Variants in YPEL2 observed in about 807,000 individuals in gnomAD.
YPEL2 encodes protein yippee-like 2.
A neutral mutation model predicts 19.1 loss-of-function variants in YPEL2; 2 were observed. The ratio of observed to expected loss-of-function variants is 0.10; its 90% CI spans 0.04 to 0.33. The LOEUF is 0.33. Among genes scored for constraint, YPEL2 ranks in the 10% least tolerant of loss-of-function variants. YPEL2 has a pLI of 1.00. For synonymous variants in YPEL2, 52 were observed against 50.0 expected (o/e 1.04, Z -0.17); for missense variants, 66 against 140.7 (o/e 0.47, Z 2.68).
rs145366041 is a variant in YPEL2, at chr17:59,347,497, C to T, written c.-195-5718C>T. Among the ~76,000 whole-genome samples, 186 of 152,248 alleles carry T rather than the reference C, an allele frequency of 1.2e-3. 3 individuals carry two copies. The East Asian group carries it at 0.024, about 20-fold the overall frequency. Reference sequence around the variant, plus strand: ...TTTAAGAGTGATGACGTGGTCAGATCTCCTTTTTAAATAGACAACACTGGC... The same window carrying T: ...TTTAAGAGTGATGACGTGGTCAGATTTCCTTTTTAAATAGACAACACTGGC... On this transcript the variant is annotated intron_variant, in intron 1 of 4. Transcript: ENST00000312655.
chr17:59,356,761 G>T (rs2047814820), intron 2 of YPEL2, among the ~76,000 whole-genome samples: 1 of 152,226 alleles, frequency 6.6e-6, no homozygotes, highest in Admixed American at 6.5e-5. Context: ...ACCAGATTCA[G>T]TCTGGTGAGG....
Position 59,391,864 on chromosome 17 carries a change from C to T in YPEL2, c.270+2396C>T, listed in dbSNP as rs766612550. Among the ~76,000 whole-genome samples, 3 of 151,954 alleles carry T rather than the reference C, an allele frequency of 2.0e-5. No homozygotes were observed. In the East Asian group the frequency reaches 5.8e-4, roughly 29 times the overall value. On this transcript the variant is annotated intron_variant, in intron 4 of 4. Coordinates refer to ENST00000312655, the MANE Select transcript of YPEL2 (RefSeq NM_001005404.4). ...GCAGTGAGCCGAGATCATGCCATTGCACTCCAGCCTGGGCGACAGAGTGAG... is the reference window on the plus strand; with the variant it reads ...GCAGTGAGCCGAGATCATGCCATTGTACTCCAGCCTGGGCGACAGAGTGAG...
At chr17:59,395,260 C>T (rs2048033010) in intron 4 of YPEL2, among the ~76,000 whole-genome samples, 1 of 152,122 alleles carries the variant, frequency 6.6e-6, no homozygotes, top group Non-Finnish European at 1.5e-5. Flanking sequence ...GTGTCAGGGA[C>T]ATTGCTGCTC....
chr17:59,358,767 G>A (rs1213791125), intron 2 of YPEL2, among the ~76,000 whole-genome samples: 1 of 151,558 alleles, frequency 6.6e-6, no homozygotes, highest in African/African-American at 2.4e-5. Context: ...CCGCCTCCAC[G>A]CCCAGCTAAT....
At chr17:59,365,579 G>C (rs115196142) in intron 2 of YPEL2, among the ~76,000 whole-genome samples, 15 of 152,080 alleles carry the variant, frequency 9.9e-5, no homozygotes, top group Admixed American at 7.9e-4. Flanking sequence ...CACTTCGGGT[G>C]GGGGGGAATC....
intron 2 of YPEL2, chr17:59,365,959 G>A (rs2047866668): frequency 6.6e-6 from 1 of 152,310 alleles, no homozygotes; most frequent in African/African-American, 2.4e-5. Context: ...CTCCCCTTTA[G>A]CCCCTGACAC....
intron 1 of YPEL2, chr17:59,345,339 G>T (rs2047750715): frequency 6.6e-6 from 1 of 152,186 alleles, no homozygotes; most frequent in South Asian, 2.1e-4. Flanking sequence ...GAGTATCCAA[G>T]CTGGTTTTTA....
chr17:59,384,785 C>A (rs1178010834), intron 2 of YPEL2, among the ~76,000 whole-genome samples: 1 of 152,158 alleles, frequency 6.6e-6, no homozygotes, highest in Non-Finnish European at 1.5e-5. Flanking sequence ...TGCCTGTCTC[C>A]CTGTATTTCT....
chr17:59,389,259 T>TGG (rs2047996142), intron 3 of YPEL2, 101 bp from the exon 4 acceptor site: 1 of 1,085,412 alleles, frequency 9.2e-7, no homozygotes, highest in African/African-American at 1.6e-5. Context: ...TGGCTCCCCT[T>TGG]GGGACAGCCT....
intron 1 of YPEL2, among the ~76,000 whole-genome samples, chr17:59,339,205 C>A (rs1019742910): frequency 4.8e-5 from 7 of 145,734 alleles, no homozygotes; most frequent in African/African-American, 1.8e-4. Flanking sequence ...GCCAAATGAA[C>A]CATAAGAGAG....
At chr17:59,337,348 C>T (rs911226795) in intron 1 of YPEL2, among the ~76,000 whole-genome samples, 13 of 151,798 alleles carry the variant, frequency 8.6e-5, no homozygotes, top group Non-Finnish European at 1.5e-4. Flanking sequence ...CCATCACGCC[C>T]GGCTAATTTT....
intron 2 of YPEL2, among the ~76,000 whole-genome samples, chr17:59,380,481 G>A (rs2047943591): frequency 6.6e-6 from 1 of 152,070 alleles, no homozygotes; most frequent in Non-Finnish European, 1.5e-5. Flanking sequence ...TGTTGGCCAG[G>A]CTGGTCTCGA....
chr17:59,374,652 AC>A, intron 2 of YPEL2, among the ~76,000 whole-genome samples: 1 of 152,304 alleles, frequency 6.6e-6, no homozygotes, highest in South Asian at 2.1e-4. Flanking sequence ...TCTAGGGAAC[AC>A]CTTTTAGTAT....
chr17:59,356,210 G>A (rs2047811976), intron 2 of YPEL2: 1 of 151,646 alleles, frequency 6.6e-6, no homozygotes, highest in South Asian at 2.1e-4. Flanking sequence ...GAGCTGGGAA[G>A]CAGATAACTG....
At chr17:59,368,239 A>G (rs953127849) in intron 2 of YPEL2, among the ~76,000 whole-genome samples, 6 of 152,054 alleles carry the variant, frequency 3.9e-5, no homozygotes, top group African/African-American at 1.4e-4. Context: ...ATGCGCCACC[A>G]TGTCCGGCTA....
At chr17:59,390,718 G>A (rs904033463) in intron 4 of YPEL2, among the ~76,000 whole-genome samples, 7 of 152,178 alleles carry the variant, frequency 4.6e-5, no homozygotes, top group Admixed American at 2.0e-4. Context: ...CTGCTTGAAC[G>A]CTGGGGACTA....
chr17:59,374,685 A>T (rs2047912013), intron 2 of YPEL2, among the ~76,000 whole-genome samples: 1 of 152,238 alleles, frequency 6.6e-6, no homozygotes, highest in East Asian at 1.9e-4. Context: ...GGTGTAGAAA[A>T]CAATAGTGAA....
intron 1 of YPEL2, among the ~76,000 whole-genome samples, chr17:59,337,137 TAGCTAC>T (rs1230097500): frequency 2.0e-5 from 3 of 152,120 alleles, no homozygotes; most frequent in African/African-American, 7.2e-5. Context: ...TGTTGAAGAC[TAGCTAC>T]AGATTCAATG....
At position 59,397,701 on chromosome 17, in the gene YPEL2, A is replaced by G. The variant is rs1278359623; in HGVS notation, c.*511A>G. On this transcript the variant is annotated 3_prime_UTR_variant, in exon 5 of 5. Transcript: ENST00000312655. ...TTGACTTGTCTAAAAGGACAAAGAGAAAAAAAAAATACCTCATGACTGCAT... is the reference window on the plus strand; with the variant it reads ...TTGACTTGTCTAAAAGGACAAAGAGGAAAAAAAAATACCTCATGACTGCAT... 1.3e-5 allele frequency: 2 copies of G among 150,426 alleles called. No individual in the cohort carries two copies. The highest frequency in any genetic ancestry group is 3.0e-5 in the Non-Finnish European group (2 of 67,506). The allele number at this position is 150,426 out of a possible 1,614,324, so 9.3% of individuals were successfully genotyped here.
Sources: allele counts gnomAD v4.1 joint callset (sites outside exome capture counted in the v4.1 genomes callset), GRCh38; gene constraint gnomAD v4.1.1; transcripts MANE v1.5; gene names NCBI Gene and HGNC (gene_info 2026-07-23, HGNC 2026-07-21).